Variants in DRC7 observed in about 807,000 individuals in gnomAD.
DRC7 encodes dynein regulatory complex subunit 7.
A neutral mutation model predicts 104.4 loss-of-function variants in DRC7; 80 were observed. The ratio of observed to expected loss-of-function variants is 0.77; its 90% CI spans 0.64 to 0.92. DRC7 has a LOEUF of 0.92. DRC7 is among the 40% of genes least tolerant of loss of function. The probability of loss-of-function intolerance (pLI) is 0.00; values close to 1 mark genes in which losing one functional copy is unlikely to be tolerated. For synonymous variants in DRC7, 405 were observed against 447.3 expected, an observed-to-expected ratio of 0.91 and a Z score of 1.19; for missense variants, 1,034 against 1,141.1, an observed-to-expected ratio of 0.91 and a Z score of 1.35.
Position 57,702,084 on chromosome 16 carries a change from T to C in DRC7, c.653T>C (p.Met218Thr). ...NGYGSLDLCH[M>T]DLTREVCPLT... ...TACGGCTCGCTGGACCTGTGCCACA[T>C]GGACCTGACGCGGGAGGTGTGCCCA... The change falls in exon 6 of 19, where the codon ATG (methionine) becomes ACG (threonine). Residue 218 changes from methionine (M) to threonine (T), a missense_variant. Coordinates refer to ENST00000360716, the MANE Select transcript of DRC7 (RefSeq NM_001289162.2). The C allele has an allele frequency of 6.2e-7, 1 of 1,614,200 alleles. No individual in the cohort carries two copies. The highest frequency in any genetic ancestry group is 8.5e-7 in the Non-Finnish European group (1 of 1,180,032).
At chr16:57,722,592 C>T (rs2148765709) in intron 10 of DRC7, 121 bp from the exon 11 acceptor site, 1 of 1,367,748 alleles carries the variant, frequency 7.3e-7, no homozygotes, top group Non-Finnish European at 1.0e-6. Flanking sequence ...CTGGATCAGG[C>T]TTGGGGCTGG....
intron 1 of DRC7, among the ~76,000 whole-genome samples, chr16:57,695,664 C>T (rs2923131): frequency 0.22 from 33,298 of 152,236 alleles, 3,861 homozygotes; most frequent in African/African-American, 0.29. Flanking sequence ...GTTGGGCTAC[C>T]TAGGCCTTGG....
chr16:57,728,223 G>A (rs1194831600), intron 16 of DRC7, among the ~76,000 whole-genome samples, 167 bp from the exon 17 acceptor site: 2 of 152,228 alleles, frequency 1.3e-5, no homozygotes, highest in Non-Finnish European at 2.9e-5. Context: ...AGTAAACACA[G>A]GTCCAGAGAC....
intron 8 of DRC7, 44 bp from the exon 9 acceptor site, chr16:57,718,303 G>C: frequency 6.2e-7 from 1 of 1,603,600 alleles, no homozygotes; most frequent in Non-Finnish European, 8.5e-7. Flanking sequence ...TGGGGACGTG[G>C]TGGCTGTGGG....
intron 8 of DRC7, among the ~76,000 whole-genome samples, chr16:57,717,217 T>C (rs1455291919): frequency 1.4e-5 from 2 of 147,446 alleles, no homozygotes; most frequent in African/African-American, 2.5e-5. Flanking sequence ...GGAGGAGAAA[T>C]TCCCACCCAC....
intron 6 of DRC7, among the ~76,000 whole-genome samples, chr16:57,703,200 CAAAAAA>C (rs71152293): frequency 1.9e-4 from 12 of 62,920 alleles, no homozygotes; most frequent in Non-Finnish European, 2.5e-4. Context: ...TTTTTAATAG[CAAAAAA>C]AAAAAAAAAA....
chr16:57,729,366 GCAGA>G (rs2049018711), intron 17 of DRC7, among the ~76,000 whole-genome samples: 1 of 138,968 alleles, frequency 7.2e-6, no homozygotes, highest in African/African-American at 2.8e-5. Flanking sequence ...GAGTGAGTGG[GCAGA>G]TGGATGAATG....
chr16:57,695,782 A>G (rs2967180), intron 1 of DRC7, among the ~76,000 whole-genome samples: 60,859 of 152,164 alleles, frequency 0.4, 14,268 homozygotes, highest in African/African-American at 0.66. Context: ...AAGAGAAACT[A>G]AGGCACAGAA....
chr16:57,731,260 G>A lies in DRC7; in HGVS notation c.*2G>A. ...GAGCTCCAGAAAATATTCGCTTGAT[G>A]TCCCTCCTGGGGCCTCAGCCAGAGC... On this transcript the variant is annotated 3_prime_UTR_variant, in exon 19 of 19. Transcript: ENST00000360716. 1 of 1,611,682 alleles carries A rather than the reference G, an allele frequency of 6.2e-7. No homozygotes were observed. Among genetic ancestry groups the A allele is most frequent in the Non-Finnish European group, 8.5e-7 (1 of 1,178,430 alleles).
At chr16:57,729,918 A>C in intron 17 of DRC7, among the ~76,000 whole-genome samples, 1 of 66,726 alleles carries the variant, frequency 1.5e-5, no homozygotes, top group African/African-American at 5.9e-5. Flanking sequence ...AGGTGGGTGG[A>C]TGGATGAGTG....
chr16:57,718,355 CT>C lies in DRC7; in HGVS notation c.1089del (p.Phe363LeufsTer7). On this transcript the variant is annotated frameshift_variant, in exon 9 of 19. Coordinates refer to ENST00000360716, the MANE Select transcript of DRC7 (RefSeq NM_001289162.2). LOFTEE classifies it high-confidence loss of function. The part of the protein sequence containing the change: ...DCWNCCKDLI[F>X]DLGDPVRWEY... The stretch of plus-strand genomic sequence containing the variant: ...GCCCTCATCCCCAACAGGACTTGAT[CT>C]TTGACCTGGGTGACCCTGTGAGATG... The C allele has an allele frequency of 6.2e-7, 1 of 1,613,950 alleles. No homozygotes were observed.
chr16:57,721,069 A>G lies in DRC7; in HGVS notation c.1207-598A>G, dbSNP rs138504333. 3.5e-3 allele frequency among the ~76,000 whole-genome samples: 527 copies of G among 152,144 alleles called. 4 individuals are homozygous for G. The highest frequency in any genetic ancestry group is 0.012 in the African/African-American group (502 of 41,508). Reference sequence around the variant, plus strand: ...GTCTCTACTAAAAATACAAAAATCAACTGGGTGTGGTAGGTGCATGCCTGT... The same window carrying G: ...GTCTCTACTAAAAATACAAAAATCAGCTGGGTGTGGTAGGTGCATGCCTGT... On this transcript the variant is annotated intron_variant, in intron 9 of 18. Transcript: ENST00000360716.
At chr16:57,697,401 C>T (rs2148727107) in intron 2 of DRC7, among the ~76,000 whole-genome samples, 1 of 151,220 alleles carries the variant, frequency 6.6e-6, no homozygotes, top group African/African-American at 2.4e-5. Context: ...CAGACCCTGT[C>T]TCTACCAAAA....
chr16:57,698,975 C>T lies in DRC7; in HGVS notation c.329C>T (p.Pro110Leu), dbSNP rs753729583. Reference sequence around the variant, plus strand: ...TCCCGCCAGTACAGCCATCTGTGCCCGGACCGCGTGCCCCTCTTCCTGCAC... The same window carrying T: ...TCCCGCCAGTACAGCCATCTGTGCCTGGACCGCGTGCCCCTCTTCCTGCAC... ...NFSRQYSHLC[P>L]DRVPLFLHPL... The change falls in exon 4 of 19, where the codon CCG becomes CTG. Residue 110 changes from proline to leucine, a missense_variant. Transcript: ENST00000360716. 3.9e-5 allele frequency: 63 copies of T among 1,614,074 alleles called. No homozygotes were observed. The Admixed American group carries it at 4.0e-4, about 10-fold the overall frequency.
At chr16:57,727,431 A>C in intron 16 of DRC7, 22 bp downstream of exon 16, 1 of 1,577,202 alleles carries the variant, frequency 6.3e-7, no homozygotes, top group Non-Finnish European at 8.7e-7. Context: ...TCCCTTCTCC[A>C]GGCCCCAGCT....
chr16:57,715,968 A>G (rs1046767342), intron 8 of DRC7, among the ~76,000 whole-genome samples: 5 of 152,208 alleles, frequency 3.3e-5, no homozygotes, highest in Non-Finnish European at 7.3e-5. Context: ...CAGCACACGA[A>G]CATTGGAGCA....
intron 17 of DRC7, among the ~76,000 whole-genome samples, chr16:57,729,969 G>A (rs1483898562): frequency 3.6e-5 from 5 of 138,498 alleles, no homozygotes; most frequent in African/African-American, 1.4e-4. Context: ...TGGATGGATG[G>A]GCGAGTGGAT....
At chr16:57,695,045 G>A (rs756451147) in intron 1 of DRC7, among the ~76,000 whole-genome samples, 193 bp downstream of exon 1, 4 of 152,016 alleles carry the variant, frequency 2.6e-5, no homozygotes, top group African/African-American at 7.3e-5. Context: ...GGGAAGGGCC[G>A]GTGGGTTGGG....
intron 9 of DRC7, among the ~76,000 whole-genome samples, chr16:57,719,606 C>A (rs1194374016): frequency 6.6e-6 from 1 of 152,144 alleles, no homozygotes; most frequent in Admixed American, 6.5e-5. Context: ...AACTCCTGGG[C>A]TCAAATGATC....
Sources: gnomAD v4.1 joint callset for allele counts (sites outside exome capture counted in the v4.1 genomes callset) on GRCh38, gnomAD v4.1.1 for gene constraint, MANE v1.5 for transcripts, NCBI Gene and HGNC (gene_info 2026-07-23, HGNC 2026-07-21) for gene names.